The following CYP24A1 variants were observed in gnomAD, a reference collection of about 807,000 sequenced individuals.
CYP24A1 encodes 1,25-dihydroxyvitamin D(3) 24-hydroxylase, mitochondrial.
A neutral mutation model predicts 62.4 loss-of-function variants in CYP24A1; 68 were observed. The ratio of observed to expected loss-of-function variants is 1.09; its 90% CI spans 0.90 to 1.33. CYP24A1 has a LOEUF of 1.33. Among genes scored for constraint, CYP24A1 ranks in the 40% most tolerant of loss-of-function variants. CYP24A1 has a pLI of 0.00. For synonymous variants in CYP24A1, 267 were observed against 253.0 expected, an observed-to-expected ratio of 1.06 and a Z score of -0.52; for missense variants, 787 against 653.0, an observed-to-expected ratio of 1.21 and a Z score of -2.24.
chr20:54,164,520 A>G lies in CYP24A1; in HGVS notation c.776T>C (p.Leu259Pro), dbSNP rs373902459. ...GACCTTGGTGTTGAGGCTCTTGTGCAGCTCGACTGGAGTGACCATCATCCT... is the reference window on the plus strand; with the variant it reads ...GACCTTGGTGTTGAGGCTCTTGTGCGGCTCGACTGGAGTGACCATCATCCT... ...FGRMMVTPVE[L>P]HKSLNTKVWQ... is the part of the protein sequence containing the mutation. Residue 259 changes from leucine to proline, a missense_variant, in exon 6 of 12, where the codon CTG (leucine) becomes CCG (proline). Coordinates refer to ENST00000216862, the MANE Select transcript of CYP24A1 (RefSeq NM_000782.5). 37 of 1,614,088 alleles carry G rather than the reference A, an allele frequency of 2.3e-5. No homozygotes were observed. The highest frequency in any genetic ancestry group is 2.8e-5 in the Non-Finnish European group (33 of 1,180,038).
rs763084124 is a variant in CYP24A1 at position 54,169,642 on chromosome 20, C to T, written c.590G>A (p.Arg197Lys). ...MGRIDELCDE[R>K]GHVEDLYSEL... is the part of the protein sequence containing the mutation. Reference sequence around the variant, plus strand: ...GCTGTACAAGTCTTCAACGTGGCCTCTTTCATCACAGAGCTCATCTATTCT... The same window carrying T: ...GCTGTACAAGTCTTCAACGTGGCCTTTTTCATCACAGAGCTCATCTATTCT... The change falls in exon 4 of 12, where the codon AGA becomes AAA. Residue 197 changes from arginine to lysine, a missense_variant. Transcript: ENST00000216862. The T allele has an allele frequency of 6.2e-7, 1 of 1,614,220 alleles. No individual in the cohort carries two copies. Among genetic ancestry groups the T allele is most frequent in the South Asian group, 1.1e-5 (1 of 91,084 alleles).
the CYP24A1 span, among the ~76,000 whole-genome samples, chr20:54,145,879 G>T: frequency 0.57 from 86,462 of 152,054 alleles, 26,537 homozygotes; most frequent in East Asian, 0.83. Flanking sequence ...TATCATTCAC[G>T]TATTATTTTA....
chr20:54,159,260 C>T (rs527669448), intron 7 of CYP24A1, 137 bp from the exon 8 acceptor site: 85 of 689,106 alleles, frequency 1.2e-4, no homozygotes, highest in African/African-American at 6.3e-4. Flanking sequence ...CTTATAGCTA[C>T]GCCTTTAGAC....
intron 4 of CYP24A1, among the ~76,000 whole-genome samples, chr20:54,167,449 C>T (rs184600541): frequency 1.3e-5 from 2 of 152,230 alleles, no homozygotes; most frequent in Admixed American, 6.5e-5. Flanking sequence ...TGAGACCAAC[C>T]GGTGGCAAAA....
intron 11 of CYP24A1, among the ~76,000 whole-genome samples, chr20:54,156,696 G>A (rs2092629230): frequency 1.3e-5 from 2 of 152,214 alleles, no homozygotes; most frequent in East Asian, 1.9e-4. Context: ...TTAGTAATTT[G>A]CGGTGGCAGC....
At chr20:54,167,044 A>T (rs980512549) in intron 4 of CYP24A1, among the ~76,000 whole-genome samples, 3 of 152,086 alleles carry the variant, frequency 2.0e-5, no homozygotes, top group Non-Finnish European at 4.4e-5. Context: ...TGGAAAAAAA[A>T]AATTATACAG....
downstream of CYP24A1, among the ~76,000 whole-genome samples, chr20:54,152,132 G>A (rs569158673): frequency 3.9e-4 from 59 of 152,234 alleles, no homozygotes; most frequent in South Asian, 6.2e-4. Context: ...TGTGCCCTTC[G>A]CCCAGGTTTT....
chr20:54,165,674 G>A, intron 5 of CYP24A1, 68 bp downstream of exon 5: 1 of 883,950 alleles, frequency 1.1e-6, no homozygotes, highest in Non-Finnish European at 1.9e-6. Context: ...GAATCACTGT[G>A]AAGTTCTGTA....
At chr20:54,163,063 G>C (rs189173510) in intron 6 of CYP24A1, among the ~76,000 whole-genome samples, 5 of 152,314 alleles carry the variant, frequency 3.3e-5, no homozygotes, top group African/African-American at 1.2e-4. Context: ...CATGAGCAAG[G>C]CTTCTCAAAC....
intron 2 of CYP24A1, 186 bp downstream of exon 2, chr20:54,172,723 C>G: frequency 1.4e-6 from 2 of 1,380,022 alleles, no homozygotes; most frequent in Non-Finnish European, 1.9e-6. Flanking sequence ...ACGGCTTTTC[C>G]GTGGACCGAC....
In CYP24A1 at chr20:54,157,524, C is replaced by A. The variant is rs555995872; in HGVS notation, c.1298G>T (p.Ser433Ile). ...GSSEDNFEDS[S>I]QFRPERWLQE... The stretch of plus-strand genomic sequence containing the variant: ...AAGCCAACGTTCAGGTCTAAACTGA[C>A]TTGAATCTTCAAAATTGTCTTCACT... The change falls in exon 10 of 12, where the codon AGT (serine) becomes ATT (isoleucine). Residue 433 changes from serine to isoleucine, a missense_variant. Ser to Ile is a moderately radical substitution (Grantham distance 142). Transcript: ENST00000216862. 1.2e-6 allele frequency: 2 copies of A among 1,604,450 alleles called. No homozygotes were observed. The highest frequency in any genetic ancestry group is 4.5e-5 in the East Asian group (2 of 44,842).
Position 54,173,065 on chromosome 20 carries a change from C to G in CYP24A1, c.293G>C (p.Arg98Pro). ...CGACTCAAAGGAACCCAACTTCATG[C>G]GGAAAATCTTGCCATACTTCTTGTG... ...EYHKKYGKIF[R>P]MKLGSFESVH... is the part of the protein sequence containing the mutation. Residue 98 changes from arginine (R) to proline (P), a missense_variant, in exon 2 of 12, where the codon CGC becomes CCC. Physicochemically the swap from Arg to Pro is moderately radical, Grantham distance 103. Coordinates refer to ENST00000216862, the MANE Select transcript of CYP24A1 (RefSeq NM_000782.5). This position sits in a 1 kb window ranked among gnomAD's most constrained non-coding sequence, Gnocchi z 7.2. 2 of 1,606,062 alleles carry G rather than the reference C, an allele frequency of 1.2e-6. No homozygotes were observed. The highest frequency in any genetic ancestry group is 3.3e-5 in the Admixed American group (2 of 60,032).
intron 9 of CYP24A1, 149 bp downstream of exon 9, chr20:54,157,937 A>G (rs1233955609): frequency 2.2e-6 from 3 of 1,376,676 alleles, no homozygotes; most frequent in East Asian, 2.5e-5. Context: ...TTCTAATTCT[A>G]TACTATGCAA....
intron 7 of CYP24A1, among the ~76,000 whole-genome samples, 156 bp from the exon 8 acceptor site, chr20:54,159,279 T>C (rs753232823): frequency 4.6e-5 from 7 of 152,084 alleles, no homozygotes; most frequent in African/African-American, 7.2e-5. Context: ...ACAAATCCAA[T>C]ATATAAAAAA....
chr20:54,150,824 G>C (rs1379681360), downstream of CYP24A1, among the ~76,000 whole-genome samples: 1 of 152,226 alleles, frequency 6.6e-6, no homozygotes, highest in Non-Finnish European at 1.5e-5. Context: ...GCTGAGCATA[G>C]AGCAGGGATG....
downstream of CYP24A1, among the ~76,000 whole-genome samples, chr20:54,149,355 C>T (rs550704917): frequency 8.5e-5 from 13 of 152,318 alleles, no homozygotes; most frequent in Middle Eastern, 3.4e-3. Flanking sequence ...CTTATTATGA[C>T]ACCTTTCTGG....
chr20:54,157,721 G>A (rs1362818928), intron 9 of CYP24A1, 136 bp from the exon 10 acceptor site: 8 of 734,268 alleles, frequency 1.1e-5, no homozygotes, highest in Admixed American at 1.9e-5. Context: ...GCCAACATGC[G>A]CTGAGTGCTT....
At position 54,162,871 on chromosome 20, in the gene CYP24A1, G is replaced by A. The variant is rs1188938295; in HGVS notation, c.845-9C>T. 2 of 1,547,854 alleles carry A rather than the reference G, an allele frequency of 1.3e-6. No individual in the cohort carries two copies. Among genetic ancestry groups the A allele is most frequent in the African/African-American group, 2.7e-5 (2 of 73,518 alleles). ...GTCGATACAAGCTTTGACTATTAGA[G>A]CAGAGAAGAAAGAGAGGAAGTCAGC... On this transcript the variant is annotated splice_polypyrimidine_tract_variant and intron_variant, in intron 6 of 11. Coordinates refer to ENST00000216862, the MANE Select transcript of CYP24A1 (RefSeq NM_000782.5).
intron 11 of CYP24A1, among the ~76,000 whole-genome samples, chr20:54,156,187 A>T (rs527638737): frequency 9.3e-4 from 142 of 152,330 alleles, no homozygotes; most frequent in African/African-American, 3.4e-3. Context: ...CAGCCTTTGT[A>T]GGCAGAATAA....
Sources: gnomAD v4.1 joint callset for allele counts (sites outside exome capture counted in the v4.1 genomes callset) on GRCh38, gnomAD v4.1.1 for gene constraint, Gnocchi (gnomAD v3.1) non-coding constraint, MANE v1.5 for transcripts, NCBI Gene and HGNC (gene_info 2026-07-23, HGNC 2026-07-21) for gene names.